Variants in ZNF362 observed in about 807,000 individuals in gnomAD.
ZNF362 encodes rotund homolog.
In ZNF362, 11 loss-of-function variants were observed where a neutral mutation model predicts 42.9. That is an observed-to-expected ratio of 0.26 (90% CI 0.16 to 0.42). The LOEUF (loss-of-function observed/expected upper bound fraction) is 0.42. Among genes scored for constraint, ZNF362 ranks in the 20% least tolerant of loss-of-function variants. The pLI, the probability that ZNF362 is intolerant of heterozygous loss-of-function variation, is 1.00. For missense variants in ZNF362, 362 were observed against 576.2 expected (o/e 0.63, Z 3.81); for synonymous variants, 255 against 257.3 (o/e 0.99, Z 0.09).
chr1:33,248,985 T>C, the ZNF362 span, among the ~76,000 whole-genome samples: 1 of 152,254 alleles, frequency 6.6e-6, no homozygotes. Flanking sequence ...CGTCATTTTT[T>C]ATTGTATGAA....
chr1:33,294,807 C>T lies in ZNF362; in HGVS notation c.909-130C>T, dbSNP rs181261841. 1 of 980,158 alleles carries T rather than the reference C, an allele frequency of 1.0e-6. No individual in the cohort carries two copies. Among genetic ancestry groups the T allele is most frequent in the Non-Finnish European group, 1.6e-6 (1 of 640,056 alleles). 60.7% of individuals were successfully genotyped at this position (980,158 alleles called of 1,614,324 possible). A position where few individuals can be genotyped will look rare whatever the true frequency, so the allele number is the denominator to read the frequency against. On this transcript the variant is annotated intron_variant, in intron 6 of 8. Transcript: ENST00000539719. This position sits in a 1 kb window ranked among gnomAD's most constrained non-coding sequence, Gnocchi z 4.2. ...AGTCCCCAGCTCTTGCCTGGGCTCA[C>T]TCTTGGTCCTTGGGGAGCATGGGCA...
chr1:33,132,385 T>G, the ZNF362 span, among the ~76,000 whole-genome samples: 2 of 152,254 alleles, frequency 1.3e-5, no homozygotes, highest in Non-Finnish European at 2.9e-5. Flanking sequence ...AGACAATACA[T>G]AAGTGATTGG....
the ZNF362 span, chr1:33,158,152 C>T: frequency 9.4e-7 from 1 of 1,066,418 alleles, no homozygotes; most frequent in Non-Finnish European, 1.4e-6. Flanking sequence ...AGGCACTCTG[C>T]TCATTCACCC....
the ZNF362 span, among the ~76,000 whole-genome samples, chr1:33,199,505 G>A: frequency 6.6e-6 from 1 of 152,030 alleles, no homozygotes; most frequent in African/African-American, 2.4e-5. Flanking sequence ...CAGCAGACCT[G>A]TACTTACAAG....
the ZNF362 span, among the ~76,000 whole-genome samples, chr1:33,242,323 C>T: frequency 1.3e-5 from 2 of 152,068 alleles, no homozygotes; most frequent in Non-Finnish European, 2.9e-5. Flanking sequence ...AGTACAGTGA[C>T]CGTGGTGTCA....
chr1:33,279,035 T>G (rs1645971294), intron 4 of ZNF362, among the ~76,000 whole-genome samples: 1 of 151,336 alleles, frequency 6.6e-6, no homozygotes, highest in Non-Finnish European at 1.5e-5. Context: ...AATTAATTAT[T>G]TTTTTTAAGA....
At chr1:33,201,304 T>G in the ZNF362 span, among the ~76,000 whole-genome samples, 2 of 152,146 alleles carry the variant, frequency 1.3e-5, no homozygotes, top group African/African-American at 4.8e-5. Flanking sequence ...TAATAGACAT[T>G]TATAGAACAC....
chr1:33,195,999 A>G, the ZNF362 span: 3 of 151,898 alleles, frequency 2.0e-5, no homozygotes, highest in African/African-American at 7.3e-5. Flanking sequence ...GTACTAAAAT[A>G]TTTTCTTTAT....
the ZNF362 span, among the ~76,000 whole-genome samples, chr1:33,135,794 A>G: frequency 6.6e-6 from 1 of 152,326 alleles, no homozygotes; most frequent in African/African-American, 2.4e-5. Flanking sequence ...CCTGGTCACC[A>G]TCAGCTCTTT....
chr1:33,128,090 A>C, the ZNF362 span, among the ~76,000 whole-genome samples: 2 of 151,822 alleles, frequency 1.3e-5, no homozygotes, highest in Non-Finnish European at 1.5e-5. Context: ...TAGGTTGGGC[A>C]CGGTAGCTCA....
rs1169547330 is a variant in ZNF362 at position 33,295,429 on chromosome 1, G to C, written c.1146+124G>C. On this transcript the variant is annotated intron_variant, in intron 8 of 8. Transcript: ENST00000539719. ...TTTTCCAGACAAATTGAGGCCTAGA[G>C]AAGGGAAGTGACACCCTGAGATCAC... The C allele has an allele frequency of 4.9e-6, 6 of 1,232,166 alleles. No individual in the cohort carries two copies. In the South Asian group the frequency reaches 9.1e-5, roughly 19 times the overall value. 76.3% of individuals were successfully genotyped at this position (1,232,166 alleles called of 1,614,324 possible).
the ZNF362 span, chr1:33,159,853 T>C: frequency 4.3e-6 from 7 of 1,613,410 alleles, no homozygotes; most frequent in Non-Finnish European, 5.9e-6. This position sits in a 1 kb window ranked among gnomAD's most constrained non-coding sequence, Gnocchi z 4.2. Context: ...CGCCTCCAGC[T>C]CCTCTAGCAT....
At position 33,276,567 on chromosome 1, in the gene ZNF362, G is replaced by A; in HGVS notation, c.322G>A (p.Ala108Thr). The A allele has an allele frequency of 1.4e-6, 2 of 1,386,472 alleles. No individual in the cohort carries two copies. Among genetic ancestry groups the A allele is most frequent in the Non-Finnish European group, 1.9e-6 (2 of 1,076,786 alleles). 85.9% of individuals were successfully genotyped at this position (1,386,472 alleles called of 1,614,324 possible). ...GCCGCAGCCCGACGTGGCGCTGCAC[G>A]CACGGCCGGCCACCAGCACCGTCAC... ...AVPQPDVALH[A>T]RPATSTVTGL... The change falls in exon 4 of 9, where the codon GCA becomes ACA. Residue 108 changes from alanine (A) to threonine (T), a missense_variant. By Grantham distance (58) the Ala-to-Thr change is moderately conservative. Transcript: ENST00000539719.
the ZNF362 span, among the ~76,000 whole-genome samples, chr1:33,196,429 A>C: frequency 6.6e-6 from 1 of 152,082 alleles, no homozygotes; most frequent in African/African-American, 2.4e-5. Flanking sequence ...AGACACAAAC[A>C]TATGCATTAG....
chr1:33,256,068 C>T (rs919658184), upstream of ZNF362, among the ~76,000 whole-genome samples: 1 of 151,550 alleles, frequency 6.6e-6, no homozygotes, highest in African/African-American at 2.4e-5. Flanking sequence ...GCGCCGGTGC[C>T]CTCCCCGCGC....
chr1:33,211,407 C>T, the ZNF362 span, among the ~76,000 whole-genome samples: 2 of 152,252 alleles, frequency 1.3e-5, no homozygotes, highest in South Asian at 4.1e-4. Flanking sequence ...GTGCTTCCTT[C>T]AGGAGCTCTT....
At chr1:33,237,105 T>C in the ZNF362 span, among the ~76,000 whole-genome samples, 1 of 152,072 alleles carries the variant, frequency 6.6e-6, no homozygotes, top group Admixed American at 6.6e-5. Context: ...ACACATCACA[T>C]CGTACCTCAT....
In ZNF362 at chr1:33,280,332, C is replaced by T. The variant is rs1176365251; in HGVS notation, c.558C>T (p.Gly186=). 5.6e-6 allele frequency: 9 copies of T among 1,613,956 alleles called. No homozygotes were observed. Among genetic ancestry groups the T allele is most frequent in the East Asian group, 4.5e-5 (2 of 44,874 alleles). ...IKTIQGHGLL[G]PPKSERGRKK... is the part of the protein sequence containing the mutation. ...CAATCCAGGGCCACGGCCTGCTTGG[C>T]CCCCCCAAGTCCGAACGCGGCCGCA... Residue 186 remains glycine, a synonymous_variant, in exon 5 of 9, where the codon GGC becomes GGT. Coordinates refer to ENST00000539719, the MANE Select transcript of ZNF362 (RefSeq NM_152493.3). The surrounding 1 kb of genome is among the most constrained non-coding windows in gnomAD (Gnocchi z 5.6).
At chr1:33,159,089 C>T in the ZNF362 span, among the ~76,000 whole-genome samples, 1 of 151,998 alleles carries the variant, frequency 6.6e-6, no homozygotes, top group African/African-American at 2.4e-5. The surrounding 1 kb of genome is among the most constrained non-coding windows in gnomAD (Gnocchi z 4.2). Flanking sequence ...AGGTAATCCA[C>T]CTGCCTCGGC....
Sources: allele counts gnomAD v4.1 joint callset (sites outside exome capture counted in the v4.1 genomes callset), GRCh38; gene constraint gnomAD v4.1.1; non-coding constraint Gnocchi (gnomAD v3.1); transcripts MANE v1.5; gene names NCBI Gene and HGNC (gene_info 2026-07-23, HGNC 2026-07-21).